Variants in MAPK8 observed in about 807,000 individuals in gnomAD.
MAPK8 encodes JUN N-terminal kinase.
MAPK8 carries 13 observed loss-of-function variants against 52.9 expected under a neutral mutation model. The ratio of observed to expected loss-of-function variants is 0.25; its 90% CI spans 0.16 to 0.39. The LOEUF (loss-of-function observed/expected upper bound fraction) is 0.39. Ranked by LOEUF, MAPK8 falls within the 10% of genes least tolerant of loss-of-function variation. The pLI is 1.00. For missense variants in MAPK8, 300 were observed against 519.2 expected (o/e 0.58, Z 4.10); for synonymous variants, 191 against 169.8 (o/e 1.12, Z -0.97).
intron 1 of MAPK8, among the ~76,000 whole-genome samples, chr10:48,398,460 A>T (rs753856321): frequency 3.3e-5 from 5 of 152,242 alleles, no homozygotes; most frequent in Non-Finnish European, 7.3e-5. Context: ...CAATCCGAAG[A>T]ATGTGGAACA....
At chr10:48,323,663 A>C (rs1843201441) in intron 1 of MAPK8, among the ~76,000 whole-genome samples, 1 of 152,160 alleles carries the variant, frequency 6.6e-6, no homozygotes, top group African/African-American at 2.4e-5. Context: ...TTAAATTTCA[A>C]AATTACAAAG....
At chr10:48,322,849 C>T (rs1236965943) in intron 1 of MAPK8, among the ~76,000 whole-genome samples, 1 of 152,170 alleles carries the variant, frequency 6.6e-6, no homozygotes, top group African/African-American at 2.4e-5. Flanking sequence ...TACCTTGGCA[C>T]TCTGATGCCC....
chr10:48,415,368 C>T (rs1589240025), intron 5 of MAPK8, among the ~76,000 whole-genome samples: 1 of 152,114 alleles, frequency 6.6e-6, no homozygotes, highest in East Asian at 1.9e-4. Context: ...TAGCAGGTGG[C>T]TGGACCAGAA....
chr10:48,416,815 A>G (rs977955889), intron 5 of MAPK8, among the ~76,000 whole-genome samples: 4 of 152,150 alleles, frequency 2.6e-5, no homozygotes, highest in Non-Finnish European at 5.9e-5. Context: ...GTGGTTCTCT[A>G]TAGTACCTGG....
intron 1 of MAPK8, among the ~76,000 whole-genome samples, chr10:48,399,361 T>C (rs1045026447): frequency 2.0e-5 from 3 of 152,220 alleles, no homozygotes; most frequent in African/African-American, 4.8e-5. Flanking sequence ...TCTTCTGTTC[T>C]TGTAAGTGGC....
At chr10:48,414,567 AAT>A (rs2042957665) in intron 5 of MAPK8, among the ~76,000 whole-genome samples, 2 of 129,734 alleles carry the variant, frequency 1.5e-5, no homozygotes, top group African/African-American at 5.9e-5. Context: ...GGTTGAAAAG[AAT>A]TTTTTTTTTT....
intron 1 of MAPK8, among the ~76,000 whole-genome samples, chr10:48,352,688 C>CT (rs1846453885): frequency 6.6e-6 from 1 of 152,124 alleles, no homozygotes. Context: ...ATGCTTTCCC[C>CT]TTATGATTGG....
intron 1 of MAPK8, among the ~76,000 whole-genome samples, chr10:48,325,388 C>T (rs994076683): frequency 6.6e-6 from 1 of 152,316 alleles, no homozygotes. Flanking sequence ...TTTTAACATA[C>T]CAATTTTGAA....
At chr10:48,353,494 C>G (rs1846539925) in intron 1 of MAPK8, among the ~76,000 whole-genome samples, 1 of 152,146 alleles carries the variant, frequency 6.6e-6, no homozygotes, top group Admixed American at 6.5e-5. Flanking sequence ...GGAAAGTGGC[C>G]TGTTCAAATG....
chr10:48,361,237 G>A (rs974217263), intron 1 of MAPK8, among the ~76,000 whole-genome samples: 11 of 151,940 alleles, frequency 7.2e-5, no homozygotes, highest in Non-Finnish European at 1.3e-4. Context: ...ACATTAATAG[G>A]GTCTCCAAAT....
intron 1 of MAPK8, among the ~76,000 whole-genome samples, chr10:48,342,623 T>G (rs1031462396): frequency 6.6e-6 from 1 of 152,250 alleles, no homozygotes; most frequent in African/African-American, 2.4e-5. Context: ...TGTAGTCGTG[T>G]GAATGGATTC....
intron 5 of MAPK8, among the ~76,000 whole-genome samples, chr10:48,417,195 C>G (rs747919818): frequency 3.3e-5 from 5 of 152,176 alleles, no homozygotes; most frequent in Non-Finnish European, 5.9e-5. Flanking sequence ...GATCATAGAC[C>G]TTTGGCGTTA....
chr10:48,403,197 C>T lies in MAPK8; in HGVS notation c.122+1415C>T, dbSNP rs183978971. 3.2e-3 allele frequency among the ~76,000 whole-genome samples: 493 copies of T among 152,224 alleles called. 6 individuals are homozygous for T. Among genetic ancestry groups the T allele is most frequent in the Admixed American group, 0.021 (314 of 15,292 alleles). On this transcript the variant is annotated intron_variant, in intron 2 of 11. Transcript: ENST00000374189. ...AGAGCAAGCCGGGCGCGGTGGCTCA[C>T]GCCTATAATCCCCGCACTTTGGGAG...
chr10:48,369,803 G>T (rs1848386600), intron 1 of MAPK8, among the ~76,000 whole-genome samples: 1 of 152,164 alleles, frequency 6.6e-6, no homozygotes, highest in Non-Finnish European at 1.5e-5. Context: ...AGAATGTGGT[G>T]AAAGTGTCAG....
At chr10:48,357,788 C>A (rs893450180) in intron 1 of MAPK8, among the ~76,000 whole-genome samples, 1 of 152,166 alleles carries the variant, frequency 6.6e-6, no homozygotes, top group Non-Finnish European at 1.5e-5. Context: ...GCATCCGTCA[C>A]CACTGTATAG....
chr10:48,417,776 C>A (rs2043142884), intron 5 of MAPK8, among the ~76,000 whole-genome samples: 2 of 152,166 alleles, frequency 1.3e-5, no homozygotes, highest in African/African-American at 4.8e-5. Context: ...TACTTTCTTC[C>A]AGGGGTCTAG....
Position 48,424,091 on chromosome 10 carries a change from AT to A in MAPK8, c.623del (p.Leu208TyrfsTer42). The A allele has an allele frequency of 6.2e-7, 1 of 1,611,820 alleles. No individual in the cohort carries two copies. The highest frequency in any genetic ancestry group is 8.5e-7 in the Non-Finnish European group (1 of 1,178,676). ...ILGMGYKENV[D>X]LWSVGCIMGE... Reference sequence around the variant, plus strand: ...CTTTTGTGCTGCAAACATATAGTGGATTTATGGTCTGTGGGGTGCATTATGG... The same window carrying A: ...CTTTTGTGCTGCAAACATATAGTGGATTATGGTCTGTGGGGTGCATTATGG... On this transcript the variant is annotated frameshift_variant, in exon 7 of 12. Coordinates refer to ENST00000374189, the MANE Select transcript of MAPK8 (RefSeq NM_001323329.2). LOFTEE classifies it high-confidence loss of function.
chr10:48,425,716 A>G (rs2043639082), intron 7 of MAPK8, 172 bp from the exon 8 acceptor site: 1 of 454,866 alleles, frequency 2.2e-6, no homozygotes, highest in Non-Finnish European at 3.9e-6. Flanking sequence ...TTTATTGATC[A>G]TTTCTGTCCA....
chr10:48,324,208 A>G (rs1027892799), intron 1 of MAPK8, among the ~76,000 whole-genome samples: 5 of 152,242 alleles, frequency 3.3e-5, no homozygotes, highest in Non-Finnish European at 7.3e-5. Context: ...TTCATATTCA[A>G]GTTTTGCTAA....
Sources: allele counts gnomAD v4.1 joint callset (sites outside exome capture counted in the v4.1 genomes callset), GRCh38; gene constraint gnomAD v4.1.1; transcripts MANE v1.5; gene names NCBI Gene and HGNC (gene_info 2026-07-23, HGNC 2026-07-21).